Variants in NRG3 observed in about 807,000 individuals in gnomAD.
NRG3 encodes pro-neuregulin-3, membrane-bound isoform.
In NRG3, 31 loss-of-function variants were observed where a neutral mutation model predicts 66.9. The ratio of observed to expected loss-of-function variants is 0.46; its 90% CI spans 0.35 to 0.63. NRG3 has a LOEUF of 0.63. Ranked by LOEUF, NRG3 falls within the 20% of genes least tolerant of loss-of-function variation. The pLI is 0.00. For synonymous variants in NRG3, 393 were observed against 359.4 expected, an observed-to-expected ratio of 1.09 and a Z score of -1.06; for missense variants, 910 against 878.9, an observed-to-expected ratio of 1.04 and a Z score of -0.45.
intron 2 of NRG3, among the ~76,000 whole-genome samples, chr10:82,659,616 C>T (rs1420934042): frequency 6.6e-6 from 1 of 152,040 alleles, no homozygotes; most frequent in East Asian, 1.9e-4. Flanking sequence ...TGCACTTCAG[C>T]CTGGGCAACA....
intron 2 of NRG3, among the ~76,000 whole-genome samples, chr10:82,709,639 A>G (rs556771273): frequency 1.3e-5 from 2 of 152,104 alleles, no homozygotes; most frequent in Non-Finnish European, 2.9e-5. Flanking sequence ...TCGGCCTCCC[A>G]AAGTGCTGGA....
intron 2 of NRG3, among the ~76,000 whole-genome samples, chr10:82,571,045 C>T (rs149042652): frequency 1.4e-3 from 206 of 151,462 alleles, no homozygotes; most frequent in African/African-American, 4.7e-3. Context: ...TATTTCTCCT[C>T]GACTCAATTT....
chr10:82,459,101 T>C (rs138194139), intron 2 of NRG3, among the ~76,000 whole-genome samples: 4 of 152,292 alleles, frequency 2.6e-5, no homozygotes, highest in African/African-American at 9.6e-5. Flanking sequence ...TCCTGTACCA[T>C]ACCTTTAGGT....
At chr10:81,909,138 T>G (rs1844875408) in intron 1 of NRG3, among the ~76,000 whole-genome samples, 1 of 152,208 alleles carries the variant, frequency 6.6e-6, no homozygotes. Context: ...TGGCAATCCT[T>G]GGCATTCCTT....
intron 1 of NRG3, among the ~76,000 whole-genome samples, chr10:82,123,800 A>C (rs927957213): frequency 1.4e-4 from 21 of 152,116 alleles, no homozygotes; most frequent in African/African-American, 5.1e-4. Context: ...AAAGGTATAA[A>C]TGCCTGGTCC....
rs75624168 is a variant in NRG3, at chr10:82,227,071, A to G, written c.824-131668A>G. On this transcript the variant is annotated intron_variant, in intron 1 of 8. Coordinates refer to ENST00000372141, the MANE Select transcript of NRG3 (RefSeq NM_001010848.4). Reference sequence around the variant, plus strand: ...TGTTGGCGGTATGTATGACATGTTCATGTCTGTCTCCTTTGTCAGGTCTCT... The same window carrying G: ...TGTTGGCGGTATGTATGACATGTTCGTGTCTGTCTCCTTTGTCAGGTCTCT... Among the ~76,000 whole-genome samples the G allele has an allele frequency of 8.9e-3, 1,356 of 152,242 alleles. 23 individuals are homozygous for G. The highest frequency in any genetic ancestry group is 0.031 in the African/African-American group (1,273 of 41,552).
Position 82,108,729 on chromosome 10 carries a change from G to A in NRG3, c.823+232566G>A, listed in dbSNP as rs142455907. 2.6e-3 allele frequency among the ~76,000 whole-genome samples: 399 copies of A among 152,252 alleles called. 1 individual carries two copies. The highest frequency in any genetic ancestry group is 9.0e-3 in the African/African-American group (372 of 41,552). ...TATTAGCAGCAAGAATAATCCTAGC[G>A]TTCATAATAGCTAGCCTGATTGTTG... is the stretch of plus-strand genomic sequence containing the variant. On this transcript the variant is annotated intron_variant, in intron 1 of 8. Coordinates refer to ENST00000372141, the MANE Select transcript of NRG3 (RefSeq NM_001010848.4).
intron 2 of NRG3, among the ~76,000 whole-genome samples, chr10:82,376,304 G>C (rs2085234975): frequency 6.6e-6 from 1 of 152,184 alleles, no homozygotes; most frequent in Non-Finnish European, 1.5e-5. Flanking sequence ...GTGGGACTAA[G>C]GCATTTGTCT....
At chr10:82,983,499 G>T (rs563770582) in intron 8 of NRG3, among the ~76,000 whole-genome samples, 1 of 152,076 alleles carries the variant, frequency 6.6e-6, no homozygotes, top group South Asian at 2.1e-4. Flanking sequence ...TAGGATAGTC[G>T]TTCATTAGCA....
chr10:82,810,865 C>G (rs1250294727), intron 3 of NRG3, among the ~76,000 whole-genome samples: 6 of 151,978 alleles, frequency 3.9e-5, no homozygotes, highest in African/African-American at 1.4e-4. Context: ...TTAAAAGCCA[C>G]TAAAAACAGG....
At chr10:82,843,302 C>T (rs182447076) in intron 3 of NRG3, 47 of 448,532 alleles carry the variant, frequency 1.0e-4, no homozygotes, top group East Asian at 2.1e-4. Flanking sequence ...GTGTCATTCT[C>T]AAAGGACAAT....
At chr10:82,607,884 CTAGCCCTT>C (rs2048064177) in intron 2 of NRG3, among the ~76,000 whole-genome samples, 1 of 152,130 alleles carries the variant, frequency 6.6e-6, no homozygotes, top group African/African-American at 2.4e-5. Context: ...TCCCTCCCTT[CTAGCCCTT>C]ATAACATTAT....
Position 82,069,636 on chromosome 10 carries a change from G to T in NRG3, c.823+193473G>T, listed in dbSNP as rs1284222473. On this transcript the variant is annotated intron_variant, in intron 1 of 8. Coordinates refer to ENST00000372141, the MANE Select transcript of NRG3 (RefSeq NM_001010848.4). ...TGTCACTCATTTAAAATTGGTATTT[G>T]AATTCGTATTTATTTTTGAAGGTGT... is the stretch of plus-strand genomic sequence containing the variant. Among the ~76,000 whole-genome samples, 8 of 152,262 alleles carry T rather than the reference G, an allele frequency of 5.3e-5. No homozygotes were observed. The East Asian group carries it at 1.4e-3, about 26-fold the overall frequency.
At chr10:82,278,747 A>G (rs1177138681) in intron 1 of NRG3, among the ~76,000 whole-genome samples, 1 of 152,092 alleles carries the variant, frequency 6.6e-6, no homozygotes, top group Non-Finnish European at 1.5e-5. Flanking sequence ...GACTGTTTTC[A>G]TGGCTCTGTA....
chr10:82,050,828 T>TCTCTGTCTCTCCAGCCATGCCTCCAC, intron 1 of NRG3, among the ~76,000 whole-genome samples: 1 of 151,932 alleles, frequency 6.6e-6, no homozygotes, highest in Non-Finnish European at 1.5e-5. Flanking sequence ...ATGCCTCCAC[T>TCTCTGTCTCTCCAGCCATGCCTCCAC]TGCAGAATAT....
intron 2 of NRG3, among the ~76,000 whole-genome samples, chr10:82,446,582 C>T (rs376048480): frequency 2.4e-4 from 37 of 152,084 alleles, no homozygotes; most frequent in East Asian, 5.8e-4. Flanking sequence ...GGGAGCTGAA[C>T]GATGCGAACA....
At chr10:82,164,676 G>A (rs1436243379) in intron 1 of NRG3, among the ~76,000 whole-genome samples, 1 of 152,114 alleles carries the variant, frequency 6.6e-6, no homozygotes, top group Admixed American at 6.6e-5. Flanking sequence ...GCAGTACTTG[G>A]CTGAAGGTTG....
chr10:81,936,810 G>A (rs1316447469), intron 1 of NRG3, among the ~76,000 whole-genome samples: 2 of 152,044 alleles, frequency 1.3e-5, no homozygotes, highest in Non-Finnish European at 2.9e-5. Context: ...AAGATGAGGG[G>A]AGGGGAAGCC....
intron 1 of NRG3, among the ~76,000 whole-genome samples, chr10:82,228,641 T>C (rs1251130123): frequency 6.6e-6 from 1 of 152,172 alleles, no homozygotes; most frequent in East Asian, 1.9e-4. Context: ...TAAAAGACTT[T>C]TGGACTTAAA....
Sources: gnomAD v4.1 joint callset for allele counts (sites outside exome capture counted in the v4.1 genomes callset) on GRCh38, gnomAD v4.1.1 for gene constraint, MANE v1.5 for transcripts, NCBI Gene and HGNC (gene_info 2026-07-23, HGNC 2026-07-21) for gene names.